The following METTL15 variants were observed in gnomAD, a reference collection of about 807,000 sequenced individuals.
METTL15 encodes the protein 12S rRNA N(4)-cytidine methyltransferase METTL15.
METTL15 carries 34 observed loss-of-function variants against 38.3 expected under a neutral mutation model. The ratio of observed to expected loss-of-function variants is 0.89; its 90% CI spans 0.68 to 1.18. The LOEUF is 1.18. Ranked by LOEUF, METTL15 falls within the 50% of genes most tolerant of loss-of-function variation. The probability of loss-of-function intolerance (pLI) is 0.00; values close to 1 mark genes in which losing one functional copy is unlikely to be tolerated. For missense variants in METTL15, 438 were observed against 498.4 expected (o/e 0.88, Z 1.15); for synonymous variants, 162 against 170.9 (o/e 0.95, Z 0.41).
At chr11:28,394,129 T>C (rs1850543877) in intron 5 of METTL15, among the ~76,000 whole-genome samples, 1 of 152,030 alleles carries the variant, frequency 6.6e-6, no homozygotes. Flanking sequence ...GTCCAAAGAT[T>C]AATGAAAGAA....
At chr11:28,470,254 A>G (rs1284147201) in intron 6 of METTL15, among the ~76,000 whole-genome samples, 2 of 152,226 alleles carry the variant, frequency 1.3e-5, no homozygotes, top group African/African-American at 2.4e-5. Context: ...GGGACTGCAT[A>G]TATTGGAGAT....
chr11:28,358,083 A>G (rs773338475), intron 4 of METTL15, among the ~76,000 whole-genome samples: 3 of 152,134 alleles, frequency 2.0e-5, no homozygotes, highest in Non-Finnish European at 4.4e-5. Flanking sequence ...AATCTGTGAC[A>G]TTGAAAGCAT....
chr11:28,333,999 C>G (rs897241786), downstream of METTL15, among the ~76,000 whole-genome samples: 1 of 151,614 alleles, frequency 6.6e-6, no homozygotes, highest in African/African-American at 2.4e-5. Context: ...GTACTGCAGA[C>G]TTTTAAAAAA....
intron 5 of METTL15, among the ~76,000 whole-genome samples, chr11:28,376,929 G>A (rs1470228477): frequency 7.6e-6 from 1 of 131,898 alleles, no homozygotes; most frequent in African/African-American, 2.6e-5. Flanking sequence ...AGCTTAGTTT[G>A]GCTGGATATG....
At chr11:28,419,097 G>T (rs780250238) in intron 5 of METTL15, among the ~76,000 whole-genome samples, 3 of 152,216 alleles carry the variant, frequency 2.0e-5, no homozygotes, top group Non-Finnish European at 4.4e-5. Flanking sequence ...CTAAAGAACT[G>T]CTTGTATCAC....
intron 5 of METTL15, among the ~76,000 whole-genome samples, chr11:28,293,438 A>G (rs1309663323): frequency 6.6e-6 from 1 of 152,310 alleles, no homozygotes; most frequent in East Asian, 1.9e-4. Context: ...TACCAGTACC[A>G]TGCTGTTTTG....
chr11:28,413,888 G>A (rs1254368312), intron 5 of METTL15, among the ~76,000 whole-genome samples: 1 of 152,130 alleles, frequency 6.6e-6, no homozygotes, highest in East Asian at 1.9e-4. Context: ...TCTTGCTGTG[G>A]CAGATTTTCT....
At chr11:28,163,914 A>C (rs1476898325) in intron 3 of METTL15, 1 of 152,294 alleles carries the variant, frequency 6.6e-6, no homozygotes, top group Non-Finnish European at 1.5e-5. Context: ...ATGTCTCTTT[A>C]GGAGAGATTC....
chr11:28,297,168 T>TA (rs1395776869), intron 6 of METTL15, among the ~76,000 whole-genome samples: 1 of 151,984 alleles, frequency 6.6e-6, no homozygotes, highest in Non-Finnish European at 1.5e-5. Flanking sequence ...ATACAATTTT[T>TA]AAAAAAATAT....
At chr11:28,373,677 C>T (rs1850272231) in intron 5 of METTL15, among the ~76,000 whole-genome samples, 1 of 152,030 alleles carries the variant, frequency 6.6e-6, no homozygotes, top group Non-Finnish European at 1.5e-5. Flanking sequence ...GAATTAAATC[C>T]CATTTGTCAA....
At chr11:28,416,732 G>C (rs533188245) in intron 5 of METTL15, among the ~76,000 whole-genome samples, 24 of 152,280 alleles carry the variant, frequency 1.6e-4, no homozygotes, top group Admixed American at 7.8e-4. Context: ...TTTGCTCCCA[G>C]CTGCCTCAGG....
chr11:28,174,823 A>T (rs908205207), intron 3 of METTL15, among the ~76,000 whole-genome samples: 7 of 145,230 alleles, frequency 4.8e-5, no homozygotes, highest in Non-Finnish European at 7.6e-5. Flanking sequence ...TCAAAAAAAA[A>T]AAAAAAACAT....
At chr11:28,233,186 G>A (rs1853763759) in intron 4 of METTL15, among the ~76,000 whole-genome samples, 1 of 151,910 alleles carries the variant, frequency 6.6e-6, no homozygotes, top group South Asian at 2.1e-4. Flanking sequence ...AAAATAGAGT[G>A]CACTATAAAT....
At chr11:28,302,085 T>C (rs1229189532) in intron 6 of METTL15, among the ~76,000 whole-genome samples, 1 of 151,914 alleles carries the variant, frequency 6.6e-6, no homozygotes, top group African/African-American at 2.4e-5. Context: ...ATTTTTTTAA[T>C]TTTTATTTTT....
intron 6 of METTL15, among the ~76,000 whole-genome samples, chr11:28,454,476 G>A (rs1038298523): frequency 6.6e-6 from 1 of 152,156 alleles, no homozygotes; most frequent in Non-Finnish European, 1.5e-5. Context: ...TTTTGTGTAT[G>A]AGTCACATAG....
At chr11:28,461,106 A>G (rs897254545) in intron 6 of METTL15, among the ~76,000 whole-genome samples, 3 of 152,044 alleles carry the variant, frequency 2.0e-5, no homozygotes, top group African/African-American at 7.2e-5. Flanking sequence ...AATACCAAAG[A>G]AATATTTATT....
intron 6 of METTL15, 92 bp downstream of exon 6, chr11:28,297,023 G>A: frequency 1.5e-6 from 2 of 1,295,894 alleles, no homozygotes; most frequent in Non-Finnish European, 2.2e-6. Context: ...GCACATGTGT[G>A]TGTGCATTAA....
At chr11:28,279,532 C>T (rs1855969228) in intron 4 of METTL15, among the ~76,000 whole-genome samples, 1 of 152,110 alleles carries the variant, frequency 6.6e-6, no homozygotes, top group African/African-American at 2.4e-5. Context: ...CATCTGCTCT[C>T]TTATTTGTTA....
At chr11:28,185,193 G>T (rs973086890) in intron 3 of METTL15, among the ~76,000 whole-genome samples, 6 of 151,554 alleles carry the variant, frequency 4.0e-5, no homozygotes, top group African/African-American at 1.4e-4. Context: ...TTAATATAAT[G>T]TATGGTAAAT....
Sources: allele counts gnomAD v4.1 joint callset (sites outside exome capture counted in the v4.1 genomes callset), GRCh38; gene constraint gnomAD v4.1.1; transcripts MANE v1.5; gene names NCBI Gene and HGNC (gene_info 2026-07-23, HGNC 2026-07-21).